Variants in ASCC3 observed in about 807,000 individuals in gnomAD.
ASCC3 encodes the protein activating signal cointegrator 1 complex subunit 3, also known as ASC-1 complex subunit P200.
In ASCC3, 158 loss-of-function variants were observed where a neutral mutation model predicts 256.3. The observed-to-expected ratio is 0.62, with a 90% CI of 0.54 to 0.70. The LOEUF is 0.70. Ranked by LOEUF, ASCC3 falls within the 30% of genes least tolerant of loss-of-function variation. The probability of loss-of-function intolerance (pLI) is 0.00; values close to 1 mark genes in which losing one functional copy is unlikely to be tolerated. For synonymous variants in ASCC3, 948 were observed against 883.4 expected, an observed-to-expected ratio of 1.07 and a Z score of -1.30; for missense variants, 2,259 against 2,626.0, an observed-to-expected ratio of 0.86 and a Z score of 3.05.
intron 26 of ASCC3, among the ~76,000 whole-genome samples, chr6:100,630,750 C>T (rs1465410315): frequency 1.3e-5 from 2 of 152,026 alleles, no homozygotes; most frequent in East Asian, 3.9e-4. Context: ...AAATAATTTA[C>T]ATGCAAAATG....
chr6:100,847,951 C>G, intron 4 of ASCC3, 197 bp downstream of exon 4: 1 of 506,690 alleles, frequency 2.0e-6, no homozygotes, highest in Non-Finnish European at 3.4e-6. Flanking sequence ...CTGCTACACT[C>G]ATTACACTTT....
At chr6:100,708,894 G>C (rs1304384197) in intron 13 of ASCC3, among the ~76,000 whole-genome samples, 1 of 151,554 alleles carries the variant, frequency 6.6e-6, no homozygotes, top group East Asian at 1.9e-4. Flanking sequence ...ACCAATACAT[G>C]AACAAATCGT....
At chr6:100,752,681 T>C (rs939018563) in intron 10 of ASCC3, among the ~76,000 whole-genome samples, 1 of 152,130 alleles carries the variant, frequency 6.6e-6, no homozygotes, top group Admixed American at 6.6e-5. Context: ...TAAATTCTAT[T>C]TTCATGAGCC....
At chr6:100,655,943 G>C (rs1775894078) in intron 16 of ASCC3, 125 bp from the exon 17 acceptor site, 2 of 1,129,868 alleles carry the variant, frequency 1.8e-6, no homozygotes, top group Non-Finnish European at 2.6e-6. Flanking sequence ...TAAAAAGGTA[G>C]GCATAGTGAC....
chr6:100,631,362 C>T (rs761499497), intron 25 of ASCC3, 149 bp from the exon 26 acceptor site: 39 of 631,890 alleles, frequency 6.2e-5, no homozygotes, highest in Middle Eastern at 4.2e-4. Flanking sequence ...TTTAAATCAA[C>T]GGGAAAAAGT....
At chr6:100,573,639 T>G (rs941356659) in intron 36 of ASCC3, among the ~76,000 whole-genome samples, 5 of 152,122 alleles carry the variant, frequency 3.3e-5, no homozygotes, top group African/African-American at 1.2e-4. Context: ...TGCTTCAGTG[T>G]TATTTTTATT....
At chr6:100,851,230 C>T (rs1460214300) in intron 3 of ASCC3, among the ~76,000 whole-genome samples, 2 of 152,050 alleles carry the variant, frequency 1.3e-5, no homozygotes, top group Non-Finnish European at 2.9e-5. Flanking sequence ...CACACTGATT[C>T]CCTGTAAATT....
intron 26 of ASCC3, among the ~76,000 whole-genome samples, chr6:100,629,947 G>C (rs1774451434): frequency 6.6e-6 from 1 of 151,778 alleles, no homozygotes; most frequent in African/African-American, 2.4e-5. Context: ...ACCAAGGCTA[G>C]AGTGTAGTGG....
chr6:100,635,966 A>C (rs2114877529), intron 25 of ASCC3, among the ~76,000 whole-genome samples: 1 of 152,314 alleles, frequency 6.6e-6, no homozygotes, highest in South Asian at 2.1e-4. Context: ...GGTTTCTCAC[A>C]GTGAAATTAT....
chr6:100,631,243 C>A, intron 25 of ASCC3, 30 bp from the exon 26 acceptor site: 1 of 1,519,772 alleles, frequency 6.6e-7, no homozygotes, highest in Non-Finnish European at 9.1e-7. Context: ...CAAAAATACT[C>A]TTATGAAAAT....
At chr6:100,633,121 A>G (rs1774640496) in intron 25 of ASCC3, among the ~76,000 whole-genome samples, 1 of 152,228 alleles carries the variant, frequency 6.6e-6, no homozygotes, top group Non-Finnish European at 1.5e-5. Flanking sequence ...AATTACTTGT[A>G]GTCAATTGTG....
intron 4 of ASCC3, among the ~76,000 whole-genome samples, chr6:100,838,040 A>C (rs887493786): frequency 1.1e-4 from 17 of 152,140 alleles, no homozygotes; most frequent in African/African-American, 4.1e-4. Context: ...ATTTAAAAAA[A>C]TTTTAAAACA....
Position 100,651,608 on chromosome 6 carries a change from A to T in ASCC3, c.3027T>A (p.Gly1009=). The change falls in exon 19 of 42, where the codon GGT becomes GGA. Residue 1009 remains glycine (G), a synonymous_variant. Transcript: ENST00000369162. ...CTTTGGAGACTATGGCAAAGATATC[A>T]CCTTCTGTTTTGTGAGCATCAAAGA... ...NELFDAHKTE[G]DIFAIVSKAE... 1 of 1,590,236 alleles carries T rather than the reference A, an allele frequency of 6.3e-7. No homozygotes were observed. Among genetic ancestry groups the T allele is most frequent in the Non-Finnish European group, 8.6e-7 (1 of 1,166,110 alleles).
At chr6:100,639,205 G>A (rs239249) in intron 24 of ASCC3, among the ~76,000 whole-genome samples, 89,913 of 152,042 alleles carry the variant, frequency 0.59, 27,078 homozygotes, top group East Asian at 0.73. Context: ...TACTAACAAC[G>A]AATTACTTTT....
intron 10 of ASCC3, among the ~76,000 whole-genome samples, chr6:100,741,075 G>GGTA (rs545445433): frequency 8.0e-4 from 122 of 152,262 alleles, no homozygotes; most frequent in South Asian, 5.0e-3. Flanking sequence ...AGGCAGGCCT[G>GGTA]GTAGTGATGA....
chr6:100,829,160 T>C (rs1771487412), intron 4 of ASCC3, among the ~76,000 whole-genome samples: 1 of 152,120 alleles, frequency 6.6e-6, no homozygotes, highest in South Asian at 2.1e-4. Flanking sequence ...GGAGCCCAAC[T>C]GGATTCACCC....
chr6:100,802,269 A>C (rs1769954135), intron 5 of ASCC3, among the ~76,000 whole-genome samples: 2 of 152,092 alleles, frequency 1.3e-5, no homozygotes, highest in African/African-American at 2.4e-5. Context: ...ATTCTAACAC[A>C]AAGTTATTCT....
chr6:100,600,674 T>C (rs1335138922), intron 34 of ASCC3, among the ~76,000 whole-genome samples: 1 of 152,030 alleles, frequency 6.6e-6, no homozygotes, highest in Admixed American at 6.6e-5. Context: ...TGGTTTAATA[T>C]TTTCTTTTAC....
intron 1 of ASCC3, among the ~76,000 whole-genome samples, chr6:100,873,408 C>T (rs1282570741): frequency 2.6e-5 from 4 of 152,136 alleles, no homozygotes; most frequent in African/African-American, 9.6e-5. Context: ...GAATAGTCAG[C>T]GTTCCTGAGG....
Sources: allele counts gnomAD v4.1 joint callset (sites outside exome capture counted in the v4.1 genomes callset), GRCh38; gene constraint gnomAD v4.1.1; transcripts MANE v1.5; gene names NCBI Gene and HGNC (gene_info 2026-07-23, HGNC 2026-07-21).